The following UTS2B variants were observed in gnomAD, a reference collection of about 807,000 sequenced individuals.
The protein encoded by UTS2B is urotensin-2B.
UTS2B carries 21 observed loss-of-function variants against 19.2 expected under a neutral mutation model. The ratio of observed to expected loss-of-function variants is 1.09; its 90% CI spans 0.78 to 1.58. The LOEUF (loss-of-function observed/expected upper bound fraction) is 1.58. UTS2B is among the 40% of genes most tolerant of loss of function. UTS2B has a pLI of 0.00. For synonymous variants in UTS2B, 57 were observed against 50.2 expected, an observed-to-expected ratio of 1.14 and a Z score of -0.58; for missense variants, 138 against 130.3, an observed-to-expected ratio of 1.06 and a Z score of -0.29.
intron 2 of UTS2B, among the ~76,000 whole-genome samples, chr3:191,325,768 A>T (rs1717730444): frequency 6.6e-6 from 1 of 152,198 alleles, no homozygotes; most frequent in Admixed American, 6.5e-5. Flanking sequence ...CAGGGTCTTT[A>T]AGGAAGACAT....
At chr3:191,275,408 C>T (rs981014842) in intron 7 of UTS2B, 63 bp from the exon 8 acceptor site, 214 of 1,396,840 alleles carry the variant, frequency 1.5e-4, no homozygotes, top group African/African-American at 1.1e-3. Flanking sequence ...TGACCGGGCG[C>T]GGTGGCTTAT....
At chr3:191,274,107 A>G (rs928335385) in intron 8 of UTS2B, among the ~76,000 whole-genome samples, 11 of 151,936 alleles carry the variant, frequency 7.2e-5, no homozygotes, top group Non-Finnish European at 1.5e-4. Flanking sequence ...AAAGAAAAAA[A>G]AAAAGCCACT....
chr3:191,303,241 C>T (rs965572941), intron 4 of UTS2B, among the ~76,000 whole-genome samples: 25 of 152,180 alleles, frequency 1.6e-4, no homozygotes, highest in Admixed American at 1.2e-3. Context: ...GTAGGACCCA[C>T]GTGCATATCC....
intron 4 of UTS2B, among the ~76,000 whole-genome samples, chr3:191,302,084 C>T (rs1156580459): frequency 6.6e-6 from 1 of 152,166 alleles, no homozygotes; most frequent in East Asian, 1.9e-4. Flanking sequence ...CATGCAGACA[C>T]TGACCTGATA....
intron 4 of UTS2B, among the ~76,000 whole-genome samples, chr3:191,294,061 T>C (rs940914941): frequency 1.3e-5 from 2 of 151,664 alleles, no homozygotes. Context: ...TGAGCCAAGA[T>C]CGCGCCATTG....
At chr3:191,282,023 T>G in intron 5 of UTS2B, 64 bp downstream of exon 5, 4 of 1,188,792 alleles carry the variant, frequency 3.4e-6, no homozygotes, top group Non-Finnish European at 4.9e-6. Flanking sequence ...AAATCAAATT[T>G]GTTCAAATAG....
At chr3:191,292,159 T>C (rs369971065) in intron 4 of UTS2B, among the ~76,000 whole-genome samples, 78 of 152,160 alleles carry the variant, frequency 5.1e-4, no homozygotes, top group African/African-American at 1.7e-3. Flanking sequence ...GCTAAGATTT[T>C]GGTAGAGGTT....
chr3:191,340,498 G>A, the UTS2B span, among the ~76,000 whole-genome samples: 1 of 152,184 alleles, frequency 6.6e-6, no homozygotes, highest in Non-Finnish European at 1.5e-5. Context: ...ATGTTGGTTA[G>A]ATTTTGGCTG....
At chr3:191,299,947 T>C (rs1716950743) in intron 4 of UTS2B, among the ~76,000 whole-genome samples, 1 of 152,276 alleles carries the variant, frequency 6.6e-6, no homozygotes, top group African/African-American at 2.4e-5. Context: ...GAGATTATTT[T>C]GGAGCTCTAA....
At chr3:191,343,145 A>G in the UTS2B span, among the ~76,000 whole-genome samples, 5 of 152,142 alleles carry the variant, frequency 3.3e-5, no homozygotes, top group Non-Finnish European at 7.3e-5. Flanking sequence ...GCAAGAAGTG[A>G]GTATGCACCT....
the UTS2B span, among the ~76,000 whole-genome samples, chr3:191,339,345 G>C: frequency 6.6e-6 from 1 of 152,208 alleles, no homozygotes; most frequent in Middle Eastern, 3.4e-3. Context: ...ATCCTTCAAG[G>C]GAGTTATGAT....
intron 2 of UTS2B, among the ~76,000 whole-genome samples, chr3:191,317,011 T>A (rs893543977): frequency 6.6e-6 from 1 of 152,242 alleles, no homozygotes; most frequent in Non-Finnish European, 1.5e-5. Context: ...ACTGCGTGCC[T>A]GCACTCCTCA....
upstream of UTS2B, among the ~76,000 whole-genome samples, chr3:191,331,167 A>G (rs1338599817): frequency 6.6e-6 from 1 of 152,152 alleles, no homozygotes; most frequent in Non-Finnish European, 1.5e-5. Context: ...TTGTCTCTAG[A>G]GAAAGAGTGA....
At chr3:191,337,016 T>C in the UTS2B span, among the ~76,000 whole-genome samples, 3 of 152,254 alleles carry the variant, frequency 2.0e-5, no homozygotes, top group Non-Finnish European at 2.9e-5. Context: ...AATTTCAGTG[T>C]CTGTAAGTAA....
chr3:191,291,319 T>C (rs1239237447), intron 4 of UTS2B, among the ~76,000 whole-genome samples: 11 of 152,178 alleles, frequency 7.2e-5, no homozygotes, highest in Admixed American at 7.2e-4. Flanking sequence ...AAAAGTCCAA[T>C]GTATCTATTT....
chr3:191,286,037 G>T (rs1457239232), intron 4 of UTS2B, among the ~76,000 whole-genome samples: 1 of 152,040 alleles, frequency 6.6e-6, no homozygotes, highest in Non-Finnish European at 1.5e-5. Flanking sequence ...GACAAAGAAG[G>T]TCACTATGTA....
At chr3:191,305,919 CT>C (rs930929048) in intron 3 of UTS2B, among the ~76,000 whole-genome samples, 1 of 152,054 alleles carries the variant, frequency 6.6e-6, no homozygotes, top group African/African-American at 2.4e-5. Flanking sequence ...TTAAATAAGA[CT>C]TTTTTCCCCG....
chr3:191,294,279 G>A (rs1716800015), intron 4 of UTS2B, among the ~76,000 whole-genome samples: 1 of 151,880 alleles, frequency 6.6e-6, no homozygotes, highest in African/African-American at 2.4e-5. Context: ...CACTGAGCAA[G>A]GATTCAACTG....
At chr3:191,313,725 CTTTTTTTTTTTTT>C (rs57398216) in intron 3 of UTS2B, among the ~76,000 whole-genome samples, 1 of 109,122 alleles carries the variant, frequency 9.2e-6, no homozygotes, top group African/African-American at 3.4e-5. Flanking sequence ...CTCCACTTTC[CTTTTTTTTTTTTT>C]TTTTTTTTTT....
Sources: gnomAD v4.1 joint callset for allele counts (sites outside exome capture counted in the v4.1 genomes callset) on GRCh38, gnomAD v4.1.1 for gene constraint, MANE v1.5 for transcripts, NCBI Gene and HGNC (gene_info 2026-07-23, HGNC 2026-07-21) for gene names.